The following VPS53 variants were observed in gnomAD, a reference collection of about 807,000 sequenced individuals.
VPS53 encodes the protein VPS53 subunit of GARP complex.
A neutral mutation model predicts 107.0 loss-of-function variants in VPS53; 70 were observed. That is an observed-to-expected ratio of 0.65 (90% CI 0.54 to 0.80). The LOEUF (loss-of-function observed/expected upper bound fraction) is 0.80, where lower values mean the gene tolerates loss of function less well. Ranked by LOEUF, VPS53 falls within the 30% of genes least tolerant of loss-of-function variation. The pLI, the probability that VPS53 is intolerant of heterozygous loss-of-function variation, is 0.00. For missense variants in VPS53, 917 were observed against 1,049.4 expected (o/e 0.87, Z 1.74); for synonymous variants, 409 against 393.3 (o/e 1.04, Z -0.47).
At chr17:586,066 G>A (rs769073202) in intron 13 of VPS53, among the ~76,000 whole-genome samples, 7 of 152,072 alleles carry the variant, frequency 4.6e-5, no homozygotes, top group Non-Finnish European at 1.0e-4. Flanking sequence ...CTTATTAGGG[G>A]CAAACTCAGG....
chr17:635,855 G>T lies in VPS53; in HGVS notation c.609-4227C>A, dbSNP rs143019121. Among the ~76,000 whole-genome samples, 1,513 of 152,194 alleles carry T rather than the reference G, an allele frequency of 9.9e-3. 26 individuals are homozygous for T. Among genetic ancestry groups the T allele is most frequent in the African/African-American group, 0.034 (1,415 of 41,520 alleles). ...TGATGCCTCCAGCTTTGTTCTTTTG[G>T]CTTAAGATTGTCTTGGCAATGCGGG... is the stretch of plus-strand genomic sequence containing the variant. On this transcript the variant is annotated intron_variant, in intron 7 of 21. Coordinates refer to ENST00000437048, the MANE Select transcript of VPS53 (RefSeq NM_001128159.3).
chr17:669,145 A>G (rs1971826743), intron 4 of VPS53, among the ~76,000 whole-genome samples: 1 of 152,340 alleles, frequency 6.6e-6, no homozygotes, highest in Admixed American at 6.5e-5. Context: ...ATCATGAGTC[A>G]TATAGAAAGA....
In VPS53 at chr17:549,583, G is replaced by GA. The variant is rs3833167; in HGVS notation, c.1866+2288dup. Among the ~76,000 whole-genome samples the GA allele has an allele frequency of 9.0e-4, 134 of 149,652 alleles. No individual in the cohort carries two copies. In the South Asian group the frequency reaches 0.017, roughly 19 times the overall value. The stretch of plus-strand genomic sequence containing the variant: ...AACCCCTTCCAACCGTGATTTTATT[G>GA]AAAAAAAAAAATCCCACTCTTCCTT... On this transcript the variant is annotated intron_variant, in intron 17 of 21. Transcript: ENST00000437048.
intron 2 of VPS53, among the ~76,000 whole-genome samples, chr17:706,728 C>T (rs983456776): frequency 2.0e-5 from 3 of 152,054 alleles, no homozygotes; most frequent in Admixed American, 6.6e-5. Context: ...ACTGAATAAA[C>T]GAATGAGTGA....
chr17:594,410 G>C (rs1156393844), intron 12 of VPS53, among the ~76,000 whole-genome samples: 8 of 152,262 alleles, frequency 5.3e-5, no homozygotes, highest in Admixed American at 5.2e-4. Flanking sequence ...CTGCCTCAGC[G>C]AAATAGGGGT....
chr17:589,844 T>C (rs1967544762), intron 12 of VPS53, among the ~76,000 whole-genome samples: 1 of 152,166 alleles, frequency 6.6e-6, no homozygotes, highest in Non-Finnish European at 1.5e-5. Context: ...GGCTCAGGAT[T>C]GACTTGGCGA....
chr17:516,154 T>C lies in VPS53; in HGVS notation c.*2974A>G, dbSNP rs1032978630. The C allele has an allele frequency of 1.3e-5, 2 of 151,986 alleles. No individual in the cohort carries two copies. Among genetic ancestry groups the C allele is most frequent in the East Asian group, 3.9e-4 (2 of 5,158 alleles). 9.4% of individuals were successfully genotyped at this position (151,986 alleles called of 1,614,324 possible). A position where few individuals can be genotyped will look rare whatever the true frequency, so the allele number is the denominator to read the frequency against. On this transcript the variant is annotated 3_prime_UTR_variant, in exon 22 of 22. Coordinates refer to ENST00000437048, the MANE Select transcript of VPS53 (RefSeq NM_001128159.3). Reference sequence around the variant, plus strand: ...TTATCAGTAGAGAATCTTCACCACGTTGGCACCAGCTCAAGTGTAGTGTCG... The same window carrying C: ...TTATCAGTAGAGAATCTTCACCACGCTGGCACCAGCTCAAGTGTAGTGTCG...
intron 1 of VPS53, among the ~76,000 whole-genome samples, chr17:712,943 G>C (rs564052587): frequency 6.6e-6 from 1 of 152,286 alleles, no homozygotes; most frequent in African/African-American, 2.4e-5. Context: ...GAGGTAAGTG[G>C]TGGAGCCGTG....
intron 13 of VPS53, among the ~76,000 whole-genome samples, chr17:579,464 C>T (rs1966878098): frequency 6.6e-6 from 1 of 150,500 alleles, no homozygotes; most frequent in South Asian, 2.1e-4. Context: ...CTAATGCGTT[C>T]CCACAGAACT....
At chr17:534,789 G>A (rs541500068) in intron 18 of VPS53, among the ~76,000 whole-genome samples, 4 of 152,180 alleles carry the variant, frequency 2.6e-5, no homozygotes, top group Non-Finnish European at 5.9e-5. Flanking sequence ...CGGGTGGCGA[G>A]CGCCTGTAAT....
rs924089160 is a variant in VPS53, at chr17:519,597, C to T, written c.2328+229G>A. ...CTCATCCCCCTGCCCCTGCCCCATC[C>T]TCCCTGTGCAGGTGGTCTCAGCGGG... On this transcript the variant is annotated intron_variant, in intron 21 of 21. Coordinates refer to ENST00000437048, the MANE Select transcript of VPS53 (RefSeq NM_001128159.3). The surrounding 1 kb of genome is among the most constrained non-coding windows in gnomAD (Gnocchi z 5.0). Among the ~76,000 whole-genome samples, 1 of 152,224 alleles carries T rather than the reference C, an allele frequency of 6.6e-6. No individual in the cohort carries two copies. The highest frequency in any genetic ancestry group is 2.4e-5 in the African/African-American group (1 of 41,456).
chr17:639,392 C>T (rs1354486809), intron 7 of VPS53, among the ~76,000 whole-genome samples: 5 of 152,084 alleles, frequency 3.3e-5, no homozygotes, highest in Non-Finnish European at 5.9e-5. Flanking sequence ...GAAGTTTGAT[C>T]GTCTGAAGCC....
chr17:602,035 C>T, intron 11 of VPS53, 139 bp from the exon 12 acceptor site: 1 of 513,046 alleles, frequency 1.9e-6, no homozygotes, highest in Non-Finnish European at 3.2e-6. Context: ...CAACCCAGAC[C>T]ACATTCTTGC....
intron 2 of VPS53, 53 bp downstream of exon 2, chr17:710,480 C>T: frequency 7.0e-7 from 1 of 1,423,514 alleles, no homozygotes; most frequent in Non-Finnish European, 9.9e-7. Context: ...AAGCATAACA[C>T]CCAAGATGTG....
chr17:664,828 T>C (rs1971613628), intron 4 of VPS53, among the ~76,000 whole-genome samples: 1 of 152,068 alleles, frequency 6.6e-6, no homozygotes, highest in South Asian at 2.1e-4. Context: ...GACTCACTGA[T>C]GGACTGTGTG....
chr17:710,986 C>T (rs571591521), intron 1 of VPS53, among the ~76,000 whole-genome samples: 5 of 152,096 alleles, frequency 3.3e-5, no homozygotes, highest in South Asian at 4.2e-4. Context: ...TAAGGCTGCG[C>T]GGATCGCTTG....
intron 11 of VPS53, among the ~76,000 whole-genome samples, chr17:603,931 C>T (rs1968441960): frequency 6.6e-6 from 1 of 152,222 alleles, no homozygotes; most frequent in Non-Finnish European, 1.5e-5. Flanking sequence ...ACTGGCTTAA[C>T]AGTGGGCTCT....
chr17:652,567 G>A (rs183232164), intron 7 of VPS53, among the ~76,000 whole-genome samples: 4 of 152,230 alleles, frequency 2.6e-5, no homozygotes, highest in Admixed American at 2.0e-4. Context: ...TCCCAGCAAC[G>A]GCCTGGCCAA....
intron 12 of VPS53, among the ~76,000 whole-genome samples, chr17:588,181 G>A (rs1165183600): frequency 1.3e-5 from 2 of 152,154 alleles, no homozygotes; most frequent in Non-Finnish European, 2.9e-5. Context: ...AGCAGGTTGT[G>A]GTGGTGTGCG....
Sources: gnomAD v4.1 joint callset for allele counts (sites outside exome capture counted in the v4.1 genomes callset) on GRCh38, gnomAD v4.1.1 for gene constraint, Gnocchi (gnomAD v3.1) non-coding constraint, MANE v1.5 for transcripts, NCBI Gene and HGNC (gene_info 2026-07-23, HGNC 2026-07-21) for gene names.